Variants in MAP6 observed in about 807,000 individuals in gnomAD.
MAP6 encodes microtubule-associated protein 6.
MAP6 carries 26 observed loss-of-function variants against 42.4 expected under a neutral mutation model. The ratio of observed to expected loss-of-function variants is 0.61; its 90% confidence interval spans 0.45 to 0.85. MAP6 has a LOEUF of 0.85. Ranked by LOEUF, MAP6 falls within the 40% of genes least tolerant of loss-of-function variation. The probability of loss-of-function intolerance (pLI) is 0.00; values close to 1 mark genes in which losing one functional copy is unlikely to be tolerated. For missense variants in MAP6, 966 were observed against 1,099.0 expected, an observed-to-expected ratio of 0.88 and a Z score of 1.71; for synonymous variants, 418 against 443.8, an observed-to-expected ratio of 0.94 and a Z score of 0.73.
At chr11:75,658,598 G>C (rs1259404849) in intron 1 of MAP6, among the ~76,000 whole-genome samples, 2 of 152,092 alleles carry the variant, frequency 1.3e-5, no homozygotes, top group African/African-American at 4.8e-5. Flanking sequence ...AATCTCTCCA[G>C]TCCATTCTTC....
chr11:75,612,104 C>T (rs1221143399), intron 1 of MAP6, among the ~76,000 whole-genome samples: 1 of 152,254 alleles, frequency 6.6e-6, no homozygotes, highest in African/African-American at 2.4e-5. Flanking sequence ...CTCCTCCAGC[C>T]CTGAGATGCT....
intron 3 of MAP6, chr11:75,604,260 C>T (rs1942718133): frequency 1.0e-6 from 1 of 985,758 alleles, no homozygotes; most frequent in Non-Finnish European, 1.2e-6. Flanking sequence ...CACTCAGCCC[C>T]AAGGTGACAA....
At position 75,627,730 on chromosome 11, in the gene MAP6, G is replaced by A. The variant is rs11236469; in HGVS notation, c.906-19408C>T. The stretch of plus-strand genomic sequence containing the variant: ...AGTAGACACTGTTATTATCATCCTC[G>A]TTTTACAGATGAGGAAACAGGAGCT... On this transcript the variant is annotated intron_variant, in intron 1 of 3. Transcript: ENST00000304771. 4.8e-4 allele frequency among the ~76,000 whole-genome samples: 73 copies of A among 152,228 alleles called. No individual in the cohort carries two copies. In the East Asian group the frequency reaches 8.3e-3, roughly 17 times the overall value.
In MAP6 at chr11:75,606,009, A is replaced by T. The variant is rs754329016; in HGVS notation, c.1120-5T>A. 2 of 1,612,780 alleles carry T rather than the reference A, an allele frequency of 1.2e-6. No homozygotes were observed. The highest frequency in any genetic ancestry group is 8.5e-7 in the Non-Finnish European group (1 of 1,179,814). ...CTGAACACTAGGTTTTTCCACCTGTACGGAGAGACAGACCGCAAATACAGA... is the reference window on the plus strand; with the variant it reads ...CTGAACACTAGGTTTTTCCACCTGTTCGGAGAGACAGACCGCAAATACAGA... On this transcript the variant is annotated splice_polypyrimidine_tract_variant and splice_region_variant and intron_variant, in intron 2 of 3. Transcript: ENST00000304771.
At chr11:75,610,348 T>A (rs1228980654) in intron 1 of MAP6, among the ~76,000 whole-genome samples, 1 of 152,250 alleles carries the variant, frequency 6.6e-6, no homozygotes, top group Non-Finnish European at 1.5e-5. Context: ...GACTCCCTCA[T>A]CATTCATTTT....
chr11:75,610,774 G>A (rs1041153024), intron 1 of MAP6, among the ~76,000 whole-genome samples: 22 of 152,252 alleles, frequency 1.4e-4, no homozygotes, highest in African/African-American at 4.8e-4. Flanking sequence ...GGGTCAAGAG[G>A]GAGAATGGGC....
chr11:75,655,989 G>T (rs1943741990), intron 1 of MAP6, among the ~76,000 whole-genome samples: 1 of 152,218 alleles, frequency 6.6e-6, no homozygotes, highest in African/African-American at 2.4e-5. Context: ...TAAAGCAGTT[G>T]GCACAGAGTA....
chr11:75,661,064 A>C (rs577517614), intron 1 of MAP6, among the ~76,000 whole-genome samples: 2 of 152,126 alleles, frequency 1.3e-5, no homozygotes, highest in Non-Finnish European at 2.9e-5. Flanking sequence ...TCCACAAGAT[A>C]ATGCTATGAT....
intron 1 of MAP6, among the ~76,000 whole-genome samples, chr11:75,638,921 C>T (rs1358057808): frequency 2.6e-5 from 4 of 152,002 alleles, no homozygotes; most frequent in Non-Finnish European, 5.9e-5. Context: ...AACAGATGAG[C>T]GGATAAAGAA....
At chr11:75,666,398 G>A (rs1210013807) in intron 1 of MAP6, among the ~76,000 whole-genome samples, 1 of 152,224 alleles carries the variant, frequency 6.6e-6, no homozygotes, top group African/African-American at 2.4e-5. Flanking sequence ...AAGAGAGAGA[G>A]AGATTTTCAT....
At chr11:75,649,243 A>G (rs149429473) in intron 1 of MAP6, among the ~76,000 whole-genome samples, 1 of 152,336 alleles carries the variant, frequency 6.6e-6, no homozygotes, top group East Asian at 1.9e-4. Flanking sequence ...ATTTACGTAT[A>G]TGTGTGTGTT....
chr11:75,631,997 A>G (rs1943291541), intron 1 of MAP6, among the ~76,000 whole-genome samples: 1 of 152,186 alleles, frequency 6.6e-6, no homozygotes, highest in African/African-American at 2.4e-5. Context: ...CTTACTTTAA[A>G]TCCATCAATT....
intron 1 of MAP6, among the ~76,000 whole-genome samples, chr11:75,652,292 C>G (rs374032755): frequency 6.6e-6 from 1 of 152,118 alleles, no homozygotes; most frequent in East Asian, 1.9e-4. Context: ...GCTTGTCTCC[C>G]ACCATGTCAC....
intron 1 of MAP6, among the ~76,000 whole-genome samples, chr11:75,628,475 G>A (rs530719397): frequency 4.6e-5 from 7 of 152,126 alleles, no homozygotes; most frequent in East Asian, 3.9e-4. Context: ...CCTCCTCCCC[G>A]CCCTTGCTCC....
chr11:75,653,433 C>T (rs982909743), intron 1 of MAP6, among the ~76,000 whole-genome samples: 6 of 152,158 alleles, frequency 3.9e-5, no homozygotes, highest in African/African-American at 7.2e-5. Context: ...AAGGAAAATT[C>T]GACCTCGAGT....
At position 75,587,400 on chromosome 11, in the gene MAP6, G is replaced by T. The variant is rs770189526; in HGVS notation, c.2101C>A (p.Pro701Thr). 2.5e-6 allele frequency: 4 copies of T among 1,614,066 alleles called. No homozygotes were observed. The South Asian group carries it at 3.3e-5, about 13-fold the overall frequency. The change falls in exon 4 of 4, where the codon CCT (proline) becomes ACT (threonine). Residue 701 changes from proline to threonine, a missense_variant. Pro to Thr is a conservative substitution (Grantham distance 38). This residue lies in a region of MAP6 where 943 missense variants were observed against 1,049.9 expected (regional missense o/e 0.90). Transcript: ENST00000304771. Reference protein sequence around the residue: ...AKVHDSAVVAPVKNQGPVVPE... With the variant: ...AKVHDSAVVATVKNQGPVVPE... Reference sequence around the variant, plus strand: ...ACCACAGGACCTTGATTCTTTACAGGTGCCACAACTGCAGAATCGTGAACC... The same window carrying T: ...ACCACAGGACCTTGATTCTTTACAGTTGCCACAACTGCAGAATCGTGAACC...
chr11:75,609,880 C>T (rs1237047582), intron 1 of MAP6, among the ~76,000 whole-genome samples: 1 of 152,166 alleles, frequency 6.6e-6, no homozygotes, highest in African/African-American at 2.4e-5. Flanking sequence ...ACTTCATCCC[C>T]AGTGTGGCAG....
intron 1 of MAP6, among the ~76,000 whole-genome samples, chr11:75,644,202 T>A (rs1467864288): frequency 6.6e-6 from 1 of 152,072 alleles, no homozygotes; most frequent in Admixed American, 6.6e-5. Context: ...TATAAATCAC[T>A]ACCATAAAGG....
At chr11:75,608,446 T>C in intron 1 of MAP6, 124 bp from the exon 2 acceptor site, 1 of 750,818 alleles carries the variant, frequency 1.3e-6, no homozygotes, top group East Asian at 2.6e-5. Flanking sequence ...GAAGTGTGGC[T>C]GGAGGGTTAG....
Sources: gnomAD v4.1 joint callset for allele counts (sites outside exome capture counted in the v4.1 genomes callset) on GRCh38, gnomAD v4.1.1 for gene constraint, gnomAD v4.1.1 regional missense constraint, MANE v1.5 for transcripts, NCBI Gene and HGNC (gene_info 2026-07-23, HGNC 2026-07-21) for gene names.